Variants in ESRRG observed in about 807,000 individuals in gnomAD.
The protein encoded by ESRRG is estrogen-related receptor gamma.
ESRRG carries 13 observed loss-of-function variants against 44.0 expected under a neutral mutation model. The observed-to-expected ratio is 0.30, with a 90% CI of 0.19 to 0.47. ESRRG has a LOEUF of 0.47. Ranked by LOEUF, ESRRG falls within the 20% of genes least tolerant of loss-of-function variation. The pLI, the probability that ESRRG is intolerant of heterozygous loss-of-function variation, is 1.00. For synonymous variants in ESRRG, 215 were observed against 214.6 expected (o/e 1.00, Z -0.02); for missense variants, 395 against 580.6 (o/e 0.68, Z 3.29).
chr1:216,904,682 C>G (rs1371254172), intron 2 of ESRRG, among the ~76,000 whole-genome samples: 1 of 152,152 alleles, frequency 6.6e-6, no homozygotes, highest in Non-Finnish European at 1.5e-5. Flanking sequence ...AGCTTTCCAC[C>G]AACAACTCCC....
intron 3 of ESRRG, among the ~76,000 whole-genome samples, chr1:216,586,016 G>T (rs554959933): frequency 3.2e-5 from 4 of 125,560 alleles, no homozygotes; most frequent in Non-Finnish European, 6.9e-5. Flanking sequence ...CTCCAGTGTG[G>T]AAGACAGAGG....
chr1:216,882,875 T>A (rs865904932), intron 2 of ESRRG, among the ~76,000 whole-genome samples: 32 of 152,106 alleles, frequency 2.1e-4, no homozygotes, highest in Middle Eastern at 3.4e-3. Flanking sequence ...AAGAGGGAAA[T>A]CATGTTTTGA....
intron 1 of ESRRG, among the ~76,000 whole-genome samples, chr1:217,069,306 T>G (rs1431935600): frequency 1.3e-5 from 2 of 152,148 alleles, no homozygotes; most frequent in Non-Finnish European, 2.9e-5. Flanking sequence ...CTATCCTTGC[T>G]CCTCAGCTTG....
intron 1 of ESRRG, among the ~76,000 whole-genome samples, chr1:217,017,743 C>A (rs977492596): frequency 6.2e-4 from 95 of 152,170 alleles, no homozygotes; most frequent in African/African-American, 2.1e-3. Flanking sequence ...ATAAAAAATT[C>A]TTAAATATCC....
chr1:216,873,926 G>GGGAAGGGAAT lies in ESRRG; in HGVS notation c.-14+65655_-14+65656insATTCCCTTCC, dbSNP rs1336580687. Among the ~76,000 whole-genome samples, 211 of 105,786 alleles carry GGGAAGGGAAT rather than the reference G, an allele frequency of 2.0e-3. 2 individuals carry two copies. The highest frequency in any genetic ancestry group is 3.7e-3 in the Non-Finnish European group (181 of 49,388). 69.4% of individuals were successfully genotyped at this position (105,786 alleles called of 152,430 possible). A position where few individuals can be genotyped will look rare whatever the true frequency, so the allele number is the denominator to read the frequency against. ...GGGAAGGGAAGGGAAGGGAAGGGAA[G>GGGAAGGGAAT]GGAAGGGAAGGGAAGGGAAGGGGAG... On this transcript the variant is annotated intron_variant, in intron 2 of 7. Coordinates refer to the ESRRG transcript ENST00000359162.
intron 2 of ESRRG, among the ~76,000 whole-genome samples, chr1:216,801,314 T>G (rs1443474172): frequency 6.6e-6 from 1 of 152,176 alleles, no homozygotes; most frequent in Non-Finnish European, 1.5e-5. Flanking sequence ...AGTAATCCTC[T>G]GGCCTTGGCC....
At chr1:217,082,341 CA>C (rs2091822088) in intron 1 of ESRRG, among the ~76,000 whole-genome samples, 1 of 152,200 alleles carries the variant, frequency 6.6e-6, no homozygotes, top group Non-Finnish European at 1.5e-5. Flanking sequence ...CATTTATAAG[CA>C]CTTTTATAGC....
chr1:216,844,943 T>C (rs904424229), intron 2 of ESRRG, among the ~76,000 whole-genome samples: 3 of 152,160 alleles, frequency 2.0e-5, no homozygotes, highest in African/African-American at 7.2e-5. Flanking sequence ...TGGATTGAAC[T>C]GAGTTTTTGC....
At chr1:216,729,400 A>G (rs1280924779) in intron 2 of ESRRG, among the ~76,000 whole-genome samples, 2 of 152,178 alleles carry the variant, frequency 1.3e-5, no homozygotes, top group African/African-American at 2.4e-5. Context: ...TATTTTACAA[A>G]ATTTTAAAAC....
intron 3 of ESRRG, among the ~76,000 whole-genome samples, chr1:216,575,165 G>A (rs1377356975): frequency 2.0e-5 from 3 of 152,034 alleles, no homozygotes; most frequent in African/African-American, 7.2e-5. Context: ...CATACTTACA[G>A]GCTTCTCAGT....
At chr1:216,906,491 A>G (rs1486596537) in intron 2 of ESRRG, among the ~76,000 whole-genome samples, 1 of 152,138 alleles carries the variant, frequency 6.6e-6, no homozygotes, top group African/African-American at 2.4e-5. Flanking sequence ...GCCTCAATTG[A>G]ACAGCAAAGC....
intron 2 of ESRRG, among the ~76,000 whole-genome samples, chr1:216,660,984 T>C (rs900652931): frequency 6.6e-6 from 1 of 152,078 alleles, no homozygotes; most frequent in African/African-American, 2.4e-5. Context: ...AAGTAATCCA[T>C]AATCATGAGG....
At chr1:216,785,349 C>T (rs932468571) in intron 2 of ESRRG, among the ~76,000 whole-genome samples, 1 of 151,966 alleles carries the variant, frequency 6.6e-6, no homozygotes, top group African/African-American at 2.4e-5. Context: ...GGAGGGAAAG[C>T]AGCTGAGCAG....
At chr1:216,633,955 G>A (rs897717221) in intron 3 of ESRRG, among the ~76,000 whole-genome samples, 4 of 152,120 alleles carry the variant, frequency 2.6e-5, no homozygotes, top group Admixed American at 2.6e-4. Flanking sequence ...TAAAGATTAT[G>A]GTATTGGTTA....
At chr1:216,997,677 G>T (rs2076538379) in intron 1 of ESRRG, among the ~76,000 whole-genome samples, 2 of 152,126 alleles carry the variant, frequency 1.3e-5, no homozygotes, top group African/African-American at 2.4e-5. Context: ...TCCCACTGAG[G>T]TCATCTTTCC....
chr1:216,699,488 G>A (rs1029701646), intron 1 of ESRRG, among the ~76,000 whole-genome samples: 4 of 152,070 alleles, frequency 2.6e-5, no homozygotes, highest in Non-Finnish European at 4.4e-5. Flanking sequence ...CTGTCATGGA[G>A]GGCCAGAAAA....
At chr1:216,610,860 G>A (rs1008304603) in intron 3 of ESRRG, among the ~76,000 whole-genome samples, 1 of 152,070 alleles carries the variant, frequency 6.6e-6, no homozygotes, top group Non-Finnish European at 1.5e-5. Context: ...TTAAGTAAGT[G>A]CCCAGGTTTA....
chr1:216,881,609 C>T (rs2096449253), intron 2 of ESRRG, among the ~76,000 whole-genome samples: 1 of 152,040 alleles, frequency 6.6e-6, no homozygotes, highest in Non-Finnish European at 1.5e-5. Context: ...TCCTTGCCTA[C>T]CCTTCTGTTG....
At chr1:216,564,483 C>T in intron 4 of ESRRG, 103 bp from the exon 5 acceptor site, 2 of 842,476 alleles carry the variant, frequency 2.4e-6, no homozygotes, top group East Asian at 5.6e-5. Flanking sequence ...AAATATCCTA[C>T]AATAAACGCT....
Sources: allele counts gnomAD v4.1 joint callset (sites outside exome capture counted in the v4.1 genomes callset), GRCh38; gene constraint gnomAD v4.1.1; transcripts MANE v1.5; gene names NCBI Gene and HGNC (gene_info 2026-07-23, HGNC 2026-07-21).